Variants in SLAIN1 observed in about 807,000 individuals in gnomAD.
SLAIN1 encodes SLAIN family member 1, also known as SLAIN motif-containing protein 1.
Under a neutral mutation model 55.4 loss-of-function variants are expected in SLAIN1, and 17 were observed. The observed-to-expected ratio is 0.31, with a 90% CI of 0.21 to 0.46. SLAIN1 has a LOEUF of 0.46. Ranked by LOEUF, SLAIN1 falls within the 20% of genes least tolerant of loss-of-function variation. SLAIN1 has a pLI of 1.00. For synonymous variants in SLAIN1, 348 were observed against 337.4 expected (o/e 1.03, Z -0.35); for missense variants, 682 against 785.1 (o/e 0.87, Z 1.57).
intron 4 of SLAIN1, among the ~76,000 whole-genome samples, chr13:77,748,548 G>A (rs1025625144): frequency 6.6e-6 from 1 of 151,902 alleles, no homozygotes; most frequent in Non-Finnish European, 1.5e-5. Context: ...CAGAAAAGTG[G>A]TATTCACTTC....
intron 5 of SLAIN1, among the ~76,000 whole-genome samples, chr13:77,760,484 A>T (rs542527262): frequency 4.6e-5 from 7 of 152,304 alleles, no homozygotes; most frequent in African/African-American, 1.7e-4. Flanking sequence ...ACCACCACCA[A>T]AGCAAGCATC....
At chr13:77,703,904 T>TAC (rs71794184) in intron 1 of SLAIN1, among the ~76,000 whole-genome samples, 16 of 131,872 alleles carry the variant, frequency 1.2e-4, no homozygotes, top group South Asian at 9.3e-4. Flanking sequence ...TATATATATA[T>TAC]ACACACACAC....
rs1455900293 is a variant in SLAIN1, at chr13:77,764,205, A to G, written c.*985A>G. 2 of 152,654 alleles carry G rather than the reference A, an allele frequency of 1.3e-5. No homozygotes were observed. The highest frequency in any genetic ancestry group is 1.3e-4 in the Admixed American group (2 of 15,284). 9.5% of individuals were successfully genotyped at this position (152,654 alleles called of 1,614,324 possible). On this transcript the variant is annotated 3_prime_UTR_variant, in exon 7 of 7. Coordinates refer to ENST00000418532, the MANE Select transcript of SLAIN1 (RefSeq NM_001242868.2). Reference sequence around the variant, plus strand: ...TGTACACTGCTGTTTTGGAATGTTCAGAAATAAAGACTCTATTTCAGCAAT... The same window carrying G: ...TGTACACTGCTGTTTTGGAATGTTCGGAAATAAAGACTCTATTTCAGCAAT...
intron 3 of SLAIN1, among the ~76,000 whole-genome samples, chr13:77,746,035 G>A (rs771030802): frequency 6.6e-6 from 1 of 152,076 alleles, no homozygotes; most frequent in Non-Finnish European, 1.5e-5. Flanking sequence ...AGATGACCTT[G>A]TGGGAAAATA....
intron 2 of SLAIN1, among the ~76,000 whole-genome samples, chr13:77,724,503 G>A (rs182524555): frequency 2.0e-5 from 3 of 152,224 alleles, no homozygotes; most frequent in Non-Finnish European, 4.4e-5. Flanking sequence ...AAGAGTTTGA[G>A]TTTAACTCTT....
At chr13:77,733,637 A>G (rs1199854373) in intron 2 of SLAIN1, among the ~76,000 whole-genome samples, 2 of 152,190 alleles carry the variant, frequency 1.3e-5, no homozygotes, top group Non-Finnish European at 2.9e-5. Context: ...CGTCCCTAAG[A>G]CTACCAATTA....
intron 1 of SLAIN1, chr13:77,699,164 C>G (rs2091005849): frequency 4.6e-6 from 5 of 1,080,942 alleles, no homozygotes; most frequent in Non-Finnish European, 6.6e-6. Flanking sequence ...GGGGTGACCT[C>G]ACTGGCTTTC....
rs750204366 is a variant in SLAIN1, at chr13:77,746,823, C to T, written c.1226C>T (p.Thr409Ile). 36 of 1,613,314 alleles carry T rather than the reference C, an allele frequency of 2.2e-5. No homozygotes were observed. In the Middle Eastern group the frequency reaches 8.2e-4, roughly 37 times the overall value. The change falls in exon 4 of 7, where the codon ACT becomes ATT. Residue 409 changes from threonine (T) to isoleucine (I), a missense_variant. This residue lies in a region of SLAIN1 where 244 missense variants were observed against 295.2 expected (regional missense o/e 0.83). Coordinates refer to ENST00000418532, the MANE Select transcript of SLAIN1 (RefSeq NM_001242868.2). Reference sequence around the variant, plus strand: ...CAGTATTATTCACCTCAAGCCCAAACTCCAGATCAGCAACCAAATAGGACC... The same window carrying T: ...CAGTATTATTCACCTCAAGCCCAAATTCCAGATCAGCAACCAAATAGGACC... ...QQQYYSPQAQ[T>I]PDQQPNRTNG...
chr13:77,746,107 G>A (rs1273323116), intron 3 of SLAIN1, among the ~76,000 whole-genome samples: 1 of 152,088 alleles, frequency 6.6e-6, no homozygotes, highest in Non-Finnish European at 1.5e-5. Flanking sequence ...GGAGCAGAAT[G>A]ACTTCCTACT....
At chr13:77,708,319 G>A (rs548951061) in intron 1 of SLAIN1, among the ~76,000 whole-genome samples, 3 of 152,186 alleles carry the variant, frequency 2.0e-5, no homozygotes, top group Non-Finnish European at 2.9e-5. Context: ...GAGTCAAGCT[G>A]GTTGGAGGAA....
chr13:77,719,292 T>C (rs957083177), intron 1 of SLAIN1, among the ~76,000 whole-genome samples: 1 of 151,692 alleles, frequency 6.6e-6, no homozygotes, highest in Non-Finnish European at 1.5e-5. Flanking sequence ...TCTCTGATGC[T>C]GAAACACACA....
At chr13:77,750,041 AT>A (rs1299132463) in intron 4 of SLAIN1, among the ~76,000 whole-genome samples, 1 of 152,180 alleles carries the variant, frequency 6.6e-6, no homozygotes, top group African/African-American at 2.4e-5. Context: ...TTGTATGCAG[AT>A]TATCATATGA....
intron 5 of SLAIN1, among the ~76,000 whole-genome samples, chr13:77,755,197 T>C (rs73231056): frequency 1.2e-4 from 18 of 152,236 alleles, no homozygotes; most frequent in Non-Finnish European, 1.8e-4. Flanking sequence ...CACATGTCAG[T>C]AGTCCTAGCT....
At chr13:77,754,446 T>C (rs1874457522) in intron 5 of SLAIN1, among the ~76,000 whole-genome samples, 1 of 152,178 alleles carries the variant, frequency 6.6e-6, no homozygotes, top group Admixed American at 6.5e-5. Flanking sequence ...TTCTGATAGG[T>C]TAAGGAACAG....
chr13:77,700,526 A>C (rs575778659), intron 1 of SLAIN1, among the ~76,000 whole-genome samples: 1 of 152,238 alleles, frequency 6.6e-6, no homozygotes, highest in Admixed American at 6.5e-5. Flanking sequence ...TACCTGATTT[A>C]CATAATTTTA....
chr13:77,720,660 A>G (rs925501238), intron 2 of SLAIN1, among the ~76,000 whole-genome samples: 3 of 152,172 alleles, frequency 2.0e-5, no homozygotes, highest in African/African-American at 7.2e-5. Flanking sequence ...TTTAGAGGTG[A>G]GAAATACGAA....
At chr13:77,759,134 G>C (rs1008199743) in intron 5 of SLAIN1, among the ~76,000 whole-genome samples, 2 of 151,938 alleles carry the variant, frequency 1.3e-5, no homozygotes, top group African/African-American at 4.8e-5. Flanking sequence ...TTCCTTGTAA[G>C]ATTTTTCACC....
rs778093220 is a variant in SLAIN1, at chr13:77,760,866, G to C, written c.1453G>C (p.Val485Leu). 6.2e-7 allele frequency: 1 copy of C among 1,613,904 alleles called. No homozygotes were observed. Among genetic ancestry groups the C allele is most frequent in the South Asian group, 1.1e-5 (1 of 91,072 alleles). Residue 485 changes from valine (V) to leucine (L), a missense_variant, in exon 6 of 7, where the codon GTG (valine) becomes CTG (leucine). By Grantham distance (32) the Val-to-Leu change is conservative. This residue lies in a region of SLAIN1 where 244 missense variants were observed against 295.2 expected (regional missense o/e 0.83). Coordinates refer to ENST00000418532, the MANE Select transcript of SLAIN1 (RefSeq NM_001242868.2). The part of the protein sequence containing the change: ...PGQLQHRVHS[V>L]GHFPVSIRQP... ...ACAGCTTCAACACAGGGTCCACAGCGTGGGGCATTTCCCAGTGTCTATCCG... is the reference window on the plus strand; with the variant it reads ...ACAGCTTCAACACAGGGTCCACAGCCTGGGGCATTTCCCAGTGTCTATCCG...
chr13:77,720,587 A>G (rs1295860033), intron 2 of SLAIN1, among the ~76,000 whole-genome samples: 1 of 152,298 alleles, frequency 6.6e-6, no homozygotes, highest in South Asian at 2.1e-4. Flanking sequence ...TCTTAATTCT[A>G]TGACATTCAT....
Sources: allele counts gnomAD v4.1 joint callset (sites outside exome capture counted in the v4.1 genomes callset), GRCh38; gene constraint gnomAD v4.1.1; regional missense constraint gnomAD v4.1.1; transcripts MANE v1.5; gene names NCBI Gene and HGNC (gene_info 2026-07-23, HGNC 2026-07-21).